NEDD4L: variants seen among roughly 807,000 people sequenced by gnomAD.
The protein encoded by NEDD4L is NEDD4 like E3 ubiquitin protein ligase.
In NEDD4L, 54 loss-of-function variants were observed where a neutral mutation model predicts 148.9. The observed-to-expected ratio is 0.36, with a 90% CI of 0.29 to 0.45. The LOEUF (loss-of-function observed/expected upper bound fraction) is 0.45. Ranked by LOEUF, NEDD4L falls within the 20% of genes least tolerant of loss-of-function variation. The probability of loss-of-function intolerance (pLI) is 1.00; values close to 1 mark genes in which losing one functional copy is unlikely to be tolerated. For synonymous variants in NEDD4L, 433 were observed against 440.7 expected (o/e 0.98, Z 0.22); for missense variants, 856 against 1,233.8 (o/e 0.69, Z 4.59).
chr18:58,174,389 C>G (rs1415159767), intron 2 of NEDD4L, among the ~76,000 whole-genome samples: 1 of 152,126 alleles, frequency 6.6e-6, no homozygotes, highest in Non-Finnish European at 1.5e-5. Flanking sequence ...TCATCCGGGA[C>G]CAGCAGTCCA....
rs371532478 is a variant in NEDD4L at position 58,260,904 on chromosome 18, C to T, written c.297+8850C>T. Among the ~76,000 whole-genome samples the T allele has an allele frequency of 1.1e-4, 17 of 152,284 alleles. 1 individual carries two copies. The East Asian group carries it at 2.7e-3, about 24-fold the overall frequency. On this transcript the variant is annotated intron_variant, in intron 5 of 30. Coordinates refer to ENST00000400345, the MANE Select transcript of NEDD4L (RefSeq NM_001144967.3). Reference sequence around the variant, plus strand: ...GAGTACTTAGACTCCCTCTCTAAGCCTATTCCTCATCAGTAAATTTGAGGA... The same window carrying T: ...GAGTACTTAGACTCCCTCTCTAAGCTTATTCCTCATCAGTAAATTTGAGGA...
At chr18:58,382,279 G>A (rs6566961) in intron 24 of NEDD4L, among the ~76,000 whole-genome samples, 12,172 of 152,216 alleles carry the variant, frequency 0.08, 708 homozygotes, top group South Asian at 0.19. Context: ...ACCCCTGGAG[G>A]TGGCCTCTGC....
intron 1 of NEDD4L, among the ~76,000 whole-genome samples, chr18:58,064,762 A>T (rs1457238935): frequency 6.6e-6 from 1 of 152,170 alleles, no homozygotes; most frequent in African/African-American, 2.4e-5. Flanking sequence ...GTGTATTAAG[A>T]TCATAACTGC....
At chr18:58,060,730 C>T (rs2082295192) in intron 1 of NEDD4L, among the ~76,000 whole-genome samples, 1 of 151,892 alleles carries the variant, frequency 6.6e-6, no homozygotes, top group African/African-American at 2.4e-5. Flanking sequence ...TTGCACCCTT[C>T]CTTCTCCCCT....
rs531985784 is a variant in NEDD4L at position 58,388,787 on chromosome 18, A to T, written c.2548-298A>T. ...GCTGCTGGAGCGTGAGAGAATCCAC[A>T]GGTCCCATGCGTAAGACTAGAGGGG... On this transcript the variant is annotated intron_variant, in intron 27 of 30. Coordinates refer to ENST00000400345, the MANE Select transcript of NEDD4L (RefSeq NM_001144967.3). The T allele has an allele frequency of 1.2e-4, 45 of 369,786 alleles. No homozygotes were observed. In the South Asian group the frequency reaches 1.4e-3, roughly 12 times the overall value. 22.9% of individuals were successfully genotyped at this position (369,786 alleles called of 1,614,324 possible). A position where few individuals can be genotyped will look rare whatever the true frequency, so the allele number is the denominator to read the frequency against.
chr18:58,105,304 A>T (rs901078439), intron 1 of NEDD4L, among the ~76,000 whole-genome samples: 1 of 152,104 alleles, frequency 6.6e-6, no homozygotes, highest in East Asian at 1.9e-4. Context: ...GCTTTCGAGG[A>T]TTCAATCCAT....
chr18:58,355,287 AGT>A (rs1423452013), intron 18 of NEDD4L, among the ~76,000 whole-genome samples: 1 of 152,196 alleles, frequency 6.6e-6, no homozygotes, highest in Non-Finnish European at 1.5e-5. Context: ...CACCAGAGTG[AGT>A]GACACGGCCA....
chr18:58,348,972 CTT>C (rs1335463858), intron 16 of NEDD4L, among the ~76,000 whole-genome samples: 2 of 152,278 alleles, frequency 1.3e-5, no homozygotes, highest in Non-Finnish European at 2.9e-5. Context: ...TGTATCATAA[CTT>C]TGTGAGTTTG....
At chr18:58,385,648 G>A (rs1487190647) in intron 26 of NEDD4L, 62 bp downstream of exon 26, 31 of 1,348,282 alleles carry the variant, frequency 2.3e-5, no homozygotes, top group Middle Eastern at 1.9e-4. Flanking sequence ...ATGGGGGATC[G>A]CGCTTCTCCT....
At chr18:58,396,123 G>C in intron 30 of NEDD4L, 44 bp from the exon 31 acceptor site, 1 of 1,289,312 alleles carries the variant, frequency 7.8e-7, no homozygotes, top group East Asian at 2.3e-5. Flanking sequence ...GATCGAGGAA[G>C]TGCTGTTGTG....
chr18:58,130,815 A>T (rs1049031531), intron 1 of NEDD4L, among the ~76,000 whole-genome samples: 8 of 141,168 alleles, frequency 5.7e-5, no homozygotes, highest in Non-Finnish European at 1.1e-4. Context: ...ATCTAGCAGA[A>T]CTGTGGTAGT....
chr18:58,071,752 A>T (rs1230781477), intron 1 of NEDD4L, among the ~76,000 whole-genome samples: 1 of 152,254 alleles, frequency 6.6e-6, no homozygotes, highest in African/African-American at 2.4e-5. Context: ...GAGGCCTCAC[A>T]ATCATGGCAG....
At chr18:58,353,149 G>A (rs1015837632) in intron 18 of NEDD4L, among the ~76,000 whole-genome samples, 4 of 152,146 alleles carry the variant, frequency 2.6e-5, no homozygotes, top group Admixed American at 1.3e-4. Context: ...CACCCCCACC[G>A]GCCTGAGGCT....
chr18:58,290,980 C>T (rs1220626371), intron 5 of NEDD4L, among the ~76,000 whole-genome samples: 1 of 152,208 alleles, frequency 6.6e-6, no homozygotes, highest in Non-Finnish European at 1.5e-5. Context: ...GCATTCGGAT[C>T]CACAGGGTCA....
At chr18:58,129,913 G>C (rs982762664) in intron 1 of NEDD4L, among the ~76,000 whole-genome samples, 1 of 148,682 alleles carries the variant, frequency 6.7e-6, no homozygotes, top group South Asian at 2.2e-4. Flanking sequence ...CTGGAGTTTG[G>C]TTGTGATCTA....
chr18:58,322,529 A>T (rs1199147460), intron 7 of NEDD4L, 43 bp downstream of exon 7: 9 of 1,106,306 alleles, frequency 8.1e-6, no homozygotes, highest in East Asian at 3.5e-5. Flanking sequence ...CCTGCCCTGC[A>T]TGCTGTAGGT....
At chr18:58,149,688 C>T (rs909756224) in intron 1 of NEDD4L, 3 of 701,818 alleles carry the variant, frequency 4.3e-6, no homozygotes, top group Non-Finnish European at 5.2e-6. Flanking sequence ...GCTGTTAATT[C>T]ATCTTTAACA....
At chr18:58,272,807 A>G (rs923623073) in intron 5 of NEDD4L, among the ~76,000 whole-genome samples, 2 of 152,186 alleles carry the variant, frequency 1.3e-5, no homozygotes, top group African/African-American at 4.8e-5. Flanking sequence ...TAGAGATGCA[A>G]GTAGTACATA....
intron 2 of NEDD4L, among the ~76,000 whole-genome samples, chr18:58,203,003 C>T (rs1050156692): frequency 6.6e-6 from 1 of 151,840 alleles, no homozygotes; most frequent in African/African-American, 2.4e-5. Flanking sequence ...GGTTTTACTT[C>T]GTCACCCAGG....
Sources: gnomAD v4.1 joint callset for allele counts (sites outside exome capture counted in the v4.1 genomes callset) on GRCh38, gnomAD v4.1.1 for gene constraint, MANE v1.5 for transcripts, NCBI Gene and HGNC (gene_info 2026-07-23, HGNC 2026-07-21) for gene names.